The following ADAM22 variants were observed in gnomAD, a reference collection of about 807,000 sequenced individuals.
ADAM22 encodes ADAM metallopeptidase domain 22.
Under a neutral mutation model 144.6 loss-of-function variants are expected in ADAM22, and 65 were observed. That is an observed-to-expected ratio of 0.45 (90% CI 0.37 to 0.55). The LOEUF is 0.55. Among genes scored for constraint, ADAM22 ranks in the 20% least tolerant of loss-of-function variants. The pLI is 0.00. For synonymous variants in ADAM22, 391 were observed against 412.6 expected (o/e 0.95, Z 0.63); for missense variants, 974 against 1,184.9 (o/e 0.82, Z 2.61).
intron 10 of ADAM22, 91 bp from the exon 11 acceptor site, chr7:88,131,178 G>T: frequency 9.2e-7 from 1 of 1,091,280 alleles, no homozygotes. Context: ...ACTCAAAGAA[G>T]TTTCCATGAA....
intron 3 of ADAM22, among the ~76,000 whole-genome samples, chr7:88,009,597 A>T (rs1290090685): frequency 8.6e-6 from 1 of 116,390 alleles, no homozygotes. Context: ...ATGCTATTCT[A>T]ATAAAAAAAA....
chr7:88,085,482 G>T (rs1818204647), intron 4 of ADAM22, among the ~76,000 whole-genome samples: 1 of 152,206 alleles, frequency 6.6e-6, no homozygotes, highest in Non-Finnish European at 1.5e-5. Context: ...AGGAGGCTGA[G>T]GTGGGAGGAT....
rs761460394 is a variant in ADAM22 at position 88,145,193 on chromosome 7, G to A, written c.1389G>A (p.Pro463=). 8.1e-6 allele frequency: 13 copies of A among 1,613,480 alleles called. No homozygotes were observed. Among genetic ancestry groups the A allele is most frequent in the African/African-American group, 8.0e-5 (6 of 74,834 alleles). Residue 463 remains proline, a synonymous_variant, in exon 16 of 32, where the codon CCG becomes CCA. Transcript: ENST00000413139. ...ETGEECDCGT[P]AECVLEGAEC... is the part of the protein sequence containing the mutation. ...GAGAGGAGTGTGATTGTGGAACCCC[G>A]GCCGTAAGTCTCTGGTTGTTTTGAT...
chr7:88,040,787 C>T (rs1009419964), intron 3 of ADAM22, among the ~76,000 whole-genome samples: 13 of 151,822 alleles, frequency 8.6e-5, no homozygotes, highest in Admixed American at 2.0e-4. Flanking sequence ...GGTCTCTGCT[C>T]AGGGTGAAAT....
At chr7:88,114,127 C>G (rs1410952491) in intron 5 of ADAM22, among the ~76,000 whole-genome samples, 1 of 152,096 alleles carries the variant, frequency 6.6e-6, no homozygotes, top group Admixed American at 6.6e-5. Context: ...ACTAGAGCAT[C>G]TTCCATGTTT....
chr7:88,181,106 A>C (rs1846918359), intron 27 of ADAM22, among the ~76,000 whole-genome samples: 1 of 152,138 alleles, frequency 6.6e-6, no homozygotes, highest in South Asian at 2.1e-4. Context: ...TGTTCTCATA[A>C]TATCTGAGTG....
At chr7:88,168,637 G>T (rs1036960192) in intron 25 of ADAM22, among the ~76,000 whole-genome samples, 1 of 152,076 alleles carries the variant, frequency 6.6e-6, no homozygotes, top group Non-Finnish European at 1.5e-5. Flanking sequence ...AATCTGAAAA[G>T]AAACCAGAGT....
chr7:88,023,345 A>G (rs1409916363), intron 3 of ADAM22, among the ~76,000 whole-genome samples: 3 of 152,242 alleles, frequency 2.0e-5, no homozygotes, highest in Non-Finnish European at 4.4e-5. Context: ...AATGTGTAAT[A>G]ACCATATCAG....
intron 6 of ADAM22, among the ~76,000 whole-genome samples, chr7:88,115,543 G>C (rs1281865200): frequency 2.0e-5 from 3 of 152,086 alleles, no homozygotes; most frequent in Admixed American, 2.0e-4. Context: ...AGAGAACTCT[G>C]GTTGTCTCCA....
intron 3 of ADAM22, among the ~76,000 whole-genome samples, chr7:88,004,982 A>G (rs1245051419): frequency 1.3e-5 from 2 of 152,136 alleles, no homozygotes; most frequent in African/African-American, 4.8e-5. Context: ...TGAGAATTTA[A>G]TGCTATATTA....
At chr7:87,976,652 A>G (rs1851956919) in intron 2 of ADAM22, among the ~76,000 whole-genome samples, 1 of 152,236 alleles carries the variant, frequency 6.6e-6, no homozygotes, top group African/African-American at 2.4e-5. Context: ...TCTGGGAAAC[A>G]GCTTTGGGGA....
chr7:88,037,115 A>C (rs1047218101), intron 3 of ADAM22, among the ~76,000 whole-genome samples: 15 of 152,238 alleles, frequency 9.9e-5, no homozygotes, highest in Admixed American at 9.2e-4. Context: ...TGATGCTATT[A>C]TGAACATATT....
At chr7:87,980,646 A>G (rs1381814330) in intron 3 of ADAM22, among the ~76,000 whole-genome samples, 3 of 152,130 alleles carry the variant, frequency 2.0e-5, no homozygotes, top group Non-Finnish European at 2.9e-5. Context: ...TCATTACATA[A>G]TGTTTCTTCT....
At chr7:87,982,349 C>T (rs1337212582) in intron 3 of ADAM22, among the ~76,000 whole-genome samples, 3 of 151,726 alleles carry the variant, frequency 2.0e-5, no homozygotes, top group Non-Finnish European at 4.4e-5. Context: ...CGGGACAGGC[C>T]ATCTCTAAGG....
intron 3 of ADAM22, among the ~76,000 whole-genome samples, chr7:88,007,910 A>G (rs1323166978): frequency 6.6e-6 from 1 of 152,204 alleles, no homozygotes; most frequent in Non-Finnish European, 1.5e-5. Context: ...GGATCTAATT[A>G]AACTAAAGAG....
chr7:88,098,965 T>C (rs562834055), intron 4 of ADAM22, among the ~76,000 whole-genome samples: 3 of 152,220 alleles, frequency 2.0e-5, no homozygotes, highest in Non-Finnish European at 4.4e-5. Context: ...TGTTAGATGC[T>C]GTTTGAACAT....
At chr7:88,164,421 CATAATT>C (rs1842486727) in intron 23 of ADAM22, among the ~76,000 whole-genome samples, 1 of 151,810 alleles carries the variant, frequency 6.6e-6, no homozygotes, top group Non-Finnish European at 1.5e-5. Context: ...AATAATTATG[CATAATT>C]ATATTTGGGG....
At chr7:88,128,476 A>T (rs749301141) in intron 8 of ADAM22, 126 bp from the exon 9 acceptor site, 130 of 728,484 alleles carry the variant, frequency 1.8e-4, no homozygotes, top group Non-Finnish European at 2.8e-4. Flanking sequence ...TTGATGAAAA[A>T]TTTTTTAAAT....
intron 7 of ADAM22, among the ~76,000 whole-genome samples, chr7:88,120,478 G>A (rs1829013899): frequency 6.6e-6 from 1 of 152,092 alleles, no homozygotes; most frequent in Admixed American, 6.6e-5. Flanking sequence ...AGTTTTAATT[G>A]TTCCACATCT....
Sources: allele counts gnomAD v4.1 joint callset (sites outside exome capture counted in the v4.1 genomes callset), GRCh38; gene constraint gnomAD v4.1.1; transcripts MANE v1.5; gene names NCBI Gene and HGNC (gene_info 2026-07-23, HGNC 2026-07-21).